The following LEPR variants were observed in gnomAD, a reference collection of about 807,000 sequenced individuals.
LEPR encodes leptin receptor, also known as OB receptor.
A neutral mutation model predicts 114.7 loss-of-function variants in LEPR; 56 were observed. The ratio of observed to expected loss-of-function variants is 0.49; its 90% confidence interval spans 0.39 to 0.61. The LOEUF (loss-of-function observed/expected upper bound fraction) is 0.61, where lower values mean the gene tolerates loss of function less well. Ranked by LOEUF, LEPR falls within the 20% of genes least tolerant of loss-of-function variation. The pLI is 0.00. For missense variants in LEPR, 1,202 were observed against 1,352.9 expected (o/e 0.89, Z 1.75); for synonymous variants, 443 against 461.4 (o/e 0.96, Z 0.51).
At chr1:65,572,673 A>G (rs1247561999) in intron 5 of LEPR, among the ~76,000 whole-genome samples, 3 of 152,172 alleles carry the variant, frequency 2.0e-5, no homozygotes, top group African/African-American at 7.2e-5. Flanking sequence ...GTCCATGAGT[A>G]TACCAAATGT....
At chr1:65,589,312 T>G (rs6696954) in intron 5 of LEPR, among the ~76,000 whole-genome samples, 101,265 of 151,810 alleles carry the variant, frequency 0.67, 34,118 homozygotes, top group East Asian at 0.92. Context: ...ATACCTTATG[T>G]ATACAAATCT....
Position 65,592,698 on chromosome 1 carries a change from G to T in LEPR, c.536G>T (p.Gly179Val). 7 of 1,613,092 alleles carry T rather than the reference G, an allele frequency of 4.3e-6. No homozygotes were observed. The highest frequency in any genetic ancestry group is 3.3e-4 in the Middle Eastern group (2 of 6,056). Reference sequence around the variant, plus strand: ...GATTCACCTCTGGTTCCCCAAAAAGGCAGTTTTCAGATGGTTCACTGCAAT... The same window carrying T: ...GATTCACCTCTGGTTCCCCAAAAAGTCAGTTTTCAGATGGTTCACTGCAAT... The part of the protein sequence containing the change: ...LEDSPLVPQK[G>V]SFQMVHCNCS... Residue 179 changes from glycine (G) to valine (V), a missense_variant, in exon 6 of 20, where the codon GGC (glycine) becomes GTC (valine). Transcript: ENST00000349533.
Position 65,567,572 on chromosome 1 carries a change from A to G in LEPR, c.40+1967A>G, listed in dbSNP as rs539903291. On this transcript the variant is annotated intron_variant, in intron 3 of 19. Transcript: ENST00000349533. Reference sequence around the variant, plus strand: ...TGTCACATTAATCACTTTGGCCTCAATTTTTGCATCTATACCTATTTATAT... The same window carrying G: ...TGTCACATTAATCACTTTGGCCTCAGTTTTTGCATCTATACCTATTTATAT... 2.0e-5 allele frequency among the ~76,000 whole-genome samples: 3 copies of G among 152,250 alleles called. No individual in the cohort carries two copies. The East Asian group carries it at 5.8e-4, about 29-fold the overall frequency.
chr1:65,560,014 G>A, intron 2 of LEPR, among the ~76,000 whole-genome samples: 1 of 146,338 alleles, frequency 6.8e-6, no homozygotes. Flanking sequence ...TTTTGGCTTA[G>A]GATTGACTTG....
intron 2 of LEPR, among the ~76,000 whole-genome samples, chr1:65,427,297 GC>G (rs1179589746): frequency 6.6e-6 from 1 of 152,166 alleles, no homozygotes; most frequent in Admixed American, 6.5e-5. Context: ...ACAGAGCCCG[GC>G]CGTGGTGGCT....
Position 65,598,771 on chromosome 1 carries a change from G to A in LEPR, c.961G>A (p.Asp321Asn). Residue 321 changes from aspartate to asparagine, a missense_variant, in exon 8 of 20, where the codon GAC (aspartate) becomes AAC (asparagine). Transcript: ENST00000349533. ...KRLDGPGIWS[D>N]WSTPRVFTTQ... The stretch of plus-strand genomic sequence containing the variant: ...ACTGGATGGCCCAGGAATCTGGAGT[G>A]ACTGGAGTACTCCTCGTGTCTTTAC... The A allele has an allele frequency of 6.2e-7, 1 of 1,613,392 alleles. No individual in the cohort carries two copies.
chr1:65,580,384 G>T (rs1182812929), intron 5 of LEPR, among the ~76,000 whole-genome samples: 4 of 152,158 alleles, frequency 2.6e-5, no homozygotes, highest in Non-Finnish European at 4.4e-5. Flanking sequence ...ATTCACAAGA[G>T]AAATTTTCAA....
At chr1:65,581,766 G>A (rs1374892201) in intron 5 of LEPR, among the ~76,000 whole-genome samples, 1 of 152,074 alleles carries the variant, frequency 6.6e-6, no homozygotes, top group African/African-American at 2.4e-5. Flanking sequence ...TCCTCTTACA[G>A]CAAGAAGAAA....
intron 2 of LEPR, among the ~76,000 whole-genome samples, chr1:65,472,460 A>T (rs866358005): frequency 8.2e-6 from 1 of 122,234 alleles, no homozygotes; most frequent in African/African-American, 2.7e-5. Flanking sequence ...GTATATATAT[A>T]ATATATATAT....
intron 19 of LEPR, chr1:65,634,367 G>A: frequency 3.1e-6 from 3 of 972,002 alleles, no homozygotes; most frequent in Non-Finnish European, 3.7e-6. Context: ...ATCTAAGTAT[G>A]AAATTATGAA....
At chr1:65,602,973 G>T (rs967632640) in intron 10 of LEPR, among the ~76,000 whole-genome samples, 2 of 151,960 alleles carry the variant, frequency 1.3e-5, no homozygotes, top group Non-Finnish European at 2.9e-5. Flanking sequence ...CATTAGAAAA[G>T]GTGTTTATGG....
chr1:65,626,801 G>A (rs1019514782), intron 19 of LEPR, among the ~76,000 whole-genome samples: 2 of 151,802 alleles, frequency 1.3e-5, no homozygotes, highest in African/African-American at 4.8e-5. Context: ...GTGCCACCAC[G>A]CCCGGCTAAT....
rs540417791 is a variant in LEPR at position 65,537,241 on chromosome 1, T to C, written c.-20-28305T>C. On this transcript the variant is annotated intron_variant, in intron 2 of 19. Transcript: ENST00000349533. ...AGTAGCTATTTTCTCTGAAATCCCA[T>C]AGTACTTTATTTAATGAAAGGAACT... 3.3e-5 allele frequency among the ~76,000 whole-genome samples: 5 copies of C among 152,294 alleles called. 1 individual carries two copies. In the South Asian group the frequency reaches 1.0e-3, roughly 32 times the overall value.
In LEPR at chr1:65,617,993, C is replaced by G; in HGVS notation, c.2242C>G (p.Pro748Ala). The G allele has an allele frequency of 1.2e-6, 2 of 1,612,812 alleles. No homozygotes were observed. The highest frequency in any genetic ancestry group is 1.7e-6 in the Non-Finnish European group (2 of 1,179,508). The change falls in exon 16 of 20, where the codon CCT (proline) becomes GCT (alanine). Residue 748 changes from proline to alanine, a missense_variant. Coordinates refer to ENST00000349533, the MANE Select transcript of LEPR (RefSeq NM_002303.6). ...VNIVQSLSAY[P>A]LNSSCVIVSW... ...TATCGTGCAGTCACTCAGTGCTTATCCTTTAAACAGCAGTTGTGTGATTGT... is the reference window on the plus strand; with the variant it reads ...TATCGTGCAGTCACTCAGTGCTTATGCTTTAAACAGCAGTTGTGTGATTGT...
chr1:65,482,987 CAAA>C (rs1190386900), intron 2 of LEPR, among the ~76,000 whole-genome samples: 7 of 63,070 alleles, frequency 1.1e-4, no homozygotes, highest in Admixed American at 1.8e-4. Flanking sequence ...GACTCTGTCT[CAAA>C]AAAAAAAAAA....
chr1:65,547,415 C>T (rs1011071145), intron 2 of LEPR, among the ~76,000 whole-genome samples: 80 of 151,958 alleles, frequency 5.3e-4, no homozygotes, highest in African/African-American at 1.7e-3. Context: ...TGGTAGAATT[C>T]GGCTGTGAAT....
intron 2 of LEPR, among the ~76,000 whole-genome samples, chr1:65,549,241 A>G (rs1652069039): frequency 1.3e-5 from 2 of 150,706 alleles, no homozygotes. Context: ...TGCCCTTAAC[A>G]TTTTTTCCTT....
intron 2 of LEPR, among the ~76,000 whole-genome samples, chr1:65,495,745 T>A (rs1201351252): frequency 2.6e-5 from 4 of 152,164 alleles, no homozygotes; most frequent in Non-Finnish European, 4.4e-5. Flanking sequence ...ATCCTGTCAT[T>A]TGTGGCAACA....
Position 65,592,825 on chromosome 1 carries a change from T to G in LEPR, c.663T>G (p.Ile221Met). 6.2e-7 allele frequency: 1 copy of G among 1,613,290 alleles called. No homozygotes were observed. Residue 221 changes from isoleucine (I) to methionine (M), a missense_variant, in exon 6 of 20, where the codon ATT becomes ATG. Ile to Met is a conservative substitution (Grantham distance 10, BLOSUM62 1). Transcript: ENST00000349533. ...TGAAAATCACATCTGGTGGAGTAAT[T>G]TTCCAGTCACCTCTAATGTCAGTTC... ...MCLKITSGGV[I>M]FQSPLMSVQP...
Sources: gnomAD v4.1 joint callset for allele counts (sites outside exome capture counted in the v4.1 genomes callset) on GRCh38, gnomAD v4.1.1 for gene constraint, MANE v1.5 for transcripts, NCBI Gene and HGNC (gene_info 2026-07-23, HGNC 2026-07-21) for gene names.